ABI3BP: variants seen among roughly 807,000 people sequenced by gnomAD.
ABI3BP encodes the protein ABI family member 3 binding protein.
Under a neutral mutation model 268.6 loss-of-function variants are expected in ABI3BP, and 216 were observed. The ratio of observed to expected loss-of-function variants is 0.80; its 90% CI spans 0.72 to 0.90. ABI3BP has a LOEUF of 0.90. Among genes scored for constraint, ABI3BP ranks in the 40% least tolerant of loss-of-function variants. ABI3BP has a pLI of 0.00. For missense variants in ABI3BP, 2,090 were observed against 2,182.4 expected, an observed-to-expected ratio of 0.96 and a Z score of 0.84; for synonymous variants, 730 against 730.0, an observed-to-expected ratio of 1.00 and a Z score of 0.00.
intron 52 of ABI3BP, 61 bp downstream of exon 52, chr3:100,796,348 C>T: frequency 7.5e-7 from 1 of 1,331,054 alleles, no homozygotes; most frequent in African/African-American, 1.5e-5. Context: ...ATATTTACTT[C>T]AAGAATTTTT....
At chr3:100,848,201 A>G (rs559826426) in intron 18 of ABI3BP, among the ~76,000 whole-genome samples, 97 of 152,216 alleles carry the variant, frequency 6.4e-4, no homozygotes, top group Middle Eastern at 6.8e-3. Flanking sequence ...TGCCCTGGTG[A>G]AAAACTGAAA....
chr3:100,939,898 T>C (rs2068110966), intron 1 of ABI3BP, among the ~76,000 whole-genome samples: 1 of 152,048 alleles, frequency 6.6e-6, no homozygotes, highest in African/African-American at 2.4e-5. Flanking sequence ...GGGCCGTCTA[T>C]AGGCCTATAC....
At chr3:100,885,661 GA>G in intron 5 of ABI3BP, 73 bp from the exon 6 acceptor site, 1 of 879,368 alleles carries the variant, frequency 1.1e-6, no homozygotes, top group East Asian at 2.7e-5. Flanking sequence ...TAATCATTAT[GA>G]AGACAACTAC....
At chr3:100,987,367 G>A (rs1219232988) in intron 1 of ABI3BP, among the ~76,000 whole-genome samples, 1 of 152,142 alleles carries the variant, frequency 6.6e-6, no homozygotes, top group East Asian at 1.9e-4. Context: ...GTTCCCCTGT[G>A]TCCCCTCTCT....
Position 100,886,264 on chromosome 3 carries a change from C to T in ABI3BP, c.521G>A (p.Cys174Tyr), listed in dbSNP as rs776657350. The T allele has an allele frequency of 6.2e-7, 1 of 1,609,912 alleles. No homozygotes were observed. The highest frequency in any genetic ancestry group is 1.3e-5 in the African/African-American group (1 of 74,726). Residue 174 changes from cysteine (C) to tyrosine (Y), a missense_variant, in exon 5 of 68, where the codon TGT becomes TAT. By Grantham distance (194) the Cys-to-Tyr change is radical (BLOSUM62 -2). Transcript: ENST00000471714. ...TTCCACAATTGTTTCAGTGGCTGGA[C>T]AGATTTGAAAAATCCACTTCTTTTC... ...DKEKKWIFQI[C>Y]PATETIVENL...
chr3:100,949,224 C>T (rs889122910), intron 1 of ABI3BP, among the ~76,000 whole-genome samples: 2 of 151,980 alleles, frequency 1.3e-5, no homozygotes, highest in African/African-American at 4.8e-5. Flanking sequence ...CACAGTTTAA[C>T]GATCATCTCA....
intron 51 of ABI3BP, among the ~76,000 whole-genome samples, chr3:100,797,916 GT>G (rs796288554): frequency 1.3e-5 from 2 of 151,842 alleles, no homozygotes; most frequent in Admixed American, 6.6e-5. Flanking sequence ...TTTGCATGTG[GT>G]TTTTTTTGGG....
At chr3:100,809,733 T>TAA (rs2097801719) in intron 49 of ABI3BP, among the ~76,000 whole-genome samples, 1 of 152,114 alleles carries the variant, frequency 6.6e-6, no homozygotes, top group Non-Finnish European at 1.5e-5. Flanking sequence ...GGCTTATTTA[T>TAA]AACCTTCTAT....
rs2093248703 is a variant in ABI3BP at position 100,993,335 on chromosome 3, G to T, written c.50C>A (p.Ala17Asp). 6.4e-7 allele frequency: 1 copy of T among 1,552,746 alleles called. No homozygotes were observed. The highest frequency in any genetic ancestry group is 2.4e-5 in the East Asian group (1 of 41,040). Reference protein sequence around the residue: ...CLLLCGSITLALGNAQKLPKG... With the variant: ...CLLLCGSITLDLGNAQKLPKG... ...TGGCAATTTCTGTGCATTTCCCAGG[G>T]CTAGTGTAATACTTCCACAGAGAAG... Residue 17 changes from alanine to aspartate, a missense_variant, in exon 1 of 68, where the codon GCC (alanine) becomes GAC (aspartate). Coordinates refer to ENST00000471714, the MANE Select transcript of ABI3BP (RefSeq NM_001375547.2).
chr3:100,952,062 A>G (rs2075273194), intron 1 of ABI3BP, among the ~76,000 whole-genome samples: 1 of 152,154 alleles, frequency 6.6e-6, no homozygotes, highest in African/African-American at 2.4e-5. Context: ...GTTGAATAAA[A>G]TCCCAGCTCC....
chr3:100,900,231 T>G (rs2049607295), intron 3 of ABI3BP, among the ~76,000 whole-genome samples: 1 of 149,560 alleles, frequency 6.7e-6, no homozygotes. Context: ...TAAATTGTCA[T>G]GTATGAGCTC....
intron 50 of ABI3BP, among the ~76,000 whole-genome samples, chr3:100,805,377 C>A (rs549793779): frequency 2.6e-5 from 4 of 152,040 alleles, no homozygotes; most frequent in Non-Finnish European, 1.5e-5. Context: ...ACCCGCCCTG[C>A]ATTTCTCTGG....
chr3:100,770,963 G>C lies in ABI3BP; in HGVS notation c.4532-11C>G. On this transcript the variant is annotated splice_polypyrimidine_tract_variant and intron_variant, in intron 61 of 67. Transcript: ENST00000471714. ...ATCGCACATGAGGTCCTACGAGAGAGAGGACCCTTGACATTTAACATTTTT... is the reference window on the plus strand; with the variant it reads ...ATCGCACATGAGGTCCTACGAGAGACAGGACCCTTGACATTTAACATTTTT... The C allele has an allele frequency of 6.6e-7, 1 of 1,522,090 alleles. No individual in the cohort carries two copies. Among genetic ancestry groups the C allele is most frequent in the Non-Finnish European group, 8.8e-7 (1 of 1,130,154 alleles). 94.3% of individuals were successfully genotyped at this position (1,522,090 alleles called of 1,614,324 possible).
chr3:100,769,114 G>A (rs1385982348), intron 62 of ABI3BP, among the ~76,000 whole-genome samples: 3 of 152,142 alleles, frequency 2.0e-5, no homozygotes, highest in East Asian at 3.8e-4. Flanking sequence ...GTAAACAATC[G>A]CTTTTGAAAT....
At position 100,765,969 on chromosome 3, in the gene ABI3BP, A is replaced by G; in HGVS notation, c.4742-20T>C. ...CATATTCTGTAAAGCGAAAGAAGCC[A>G]ACAGATACTTGTTTTTATTTCTTGG... On this transcript the variant is annotated intron_variant, in intron 62 of 67. Coordinates refer to ENST00000471714, the MANE Select transcript of ABI3BP (RefSeq NM_001375547.2). The G allele has an allele frequency of 6.5e-7, 1 of 1,549,502 alleles. No homozygotes were observed. Among genetic ancestry groups the G allele is most frequent in the Non-Finnish European group, 8.9e-7 (1 of 1,128,398 alleles).
At chr3:100,912,265 C>T (rs2056846730) in intron 2 of ABI3BP, 1 of 93,356 alleles carries the variant, frequency 1.1e-5, no homozygotes, top group Non-Finnish European at 2.1e-5. Context: ...AAAAGGAAAT[C>T]CTCTCTTTTG....
At chr3:100,926,525 T>C (rs758118504) in intron 1 of ABI3BP, 44 bp from the exon 2 acceptor site, 2 of 1,559,836 alleles carry the variant, frequency 1.3e-6, no homozygotes, top group South Asian at 2.2e-5. Flanking sequence ...ACTTCCCCTT[T>C]TTAGCATCCT....
intron 52 of ABI3BP, 98 bp downstream of exon 52, chr3:100,796,311 T>A: frequency 1.1e-6 from 1 of 926,258 alleles, no homozygotes; most frequent in Non-Finnish European, 1.6e-6. Context: ...TTCTCTAAAT[T>A]TCTTCCATAT....
intron 63 of ABI3BP, among the ~76,000 whole-genome samples, chr3:100,757,390 T>A (rs1476101754): frequency 1.3e-5 from 2 of 152,214 alleles, no homozygotes; most frequent in South Asian, 4.1e-4. Flanking sequence ...TCCTCAAAAC[T>A]GAGAAGAAAA....
Sources: allele counts gnomAD v4.1 joint callset (sites outside exome capture counted in the v4.1 genomes callset), GRCh38; gene constraint gnomAD v4.1.1; transcripts MANE v1.5; gene names NCBI Gene and HGNC (gene_info 2026-07-23, HGNC 2026-07-21).